The following ERBB4 variants were observed in gnomAD, a reference collection of about 807,000 sequenced individuals.
The protein encoded by ERBB4 is receptor tyrosine-protein kinase erbB-4.
In ERBB4, 42 loss-of-function variants were observed where a neutral mutation model predicts 158.0. The ratio of observed to expected loss-of-function variants is 0.27; its 90% CI spans 0.21 to 0.34. The LOEUF (loss-of-function observed/expected upper bound fraction) is 0.34. ERBB4 is among the 10% of genes least tolerant of loss of function. ERBB4 has a pLI of 1.00. For missense variants in ERBB4, 1,333 were observed against 1,624.1 expected, an observed-to-expected ratio of 0.82 and a Z score of 3.08; for synonymous variants, 583 against 558.7, an observed-to-expected ratio of 1.04 and a Z score of -0.61.
At chr2:212,399,026 C>T (rs539634003) in intron 1 of ERBB4, among the ~76,000 whole-genome samples, 1 of 152,174 alleles carries the variant, frequency 6.6e-6, no homozygotes, top group Admixed American at 6.5e-5. Context: ...TGACTGCAAC[C>T]TCTGCCTCCT....
At chr2:211,402,580 C>T (rs1365923819) in intron 25 of ERBB4, among the ~76,000 whole-genome samples, 1 of 151,910 alleles carries the variant, frequency 6.6e-6, no homozygotes, top group African/African-American at 2.4e-5. Context: ...GACACAAGCT[C>T]AGCCTGTGAA....
chr2:212,365,500 T>G (rs990774651), intron 1 of ERBB4, among the ~76,000 whole-genome samples: 1 of 151,806 alleles, frequency 6.6e-6, no homozygotes, highest in Non-Finnish European at 1.5e-5. Context: ...CTATTGCAAA[T>G]TCAGCATTAC....
intron 1 of ERBB4, among the ~76,000 whole-genome samples, chr2:212,221,634 G>C (rs1362561516): frequency 6.6e-6 from 1 of 151,398 alleles, no homozygotes; most frequent in African/African-American, 2.4e-5. Context: ...AGCAAAGAGG[G>C]AATAACAATC....
At chr2:211,719,589 G>C (rs528188127) in intron 7 of ERBB4, among the ~76,000 whole-genome samples, 7 of 151,910 alleles carry the variant, frequency 4.6e-5, no homozygotes, top group Non-Finnish European at 7.4e-5. Context: ...GGTGCGGTGG[G>C]TCACGTCTGT....
At chr2:212,299,035 T>A (rs921437714) in intron 1 of ERBB4, among the ~76,000 whole-genome samples, 2 of 151,764 alleles carry the variant, frequency 1.3e-5, no homozygotes, top group Non-Finnish European at 3.0e-5. Flanking sequence ...AAAGTGTCAG[T>A]CACTGAGTTA....
chr2:211,759,220 C>T (rs1052439796), intron 4 of ERBB4, among the ~76,000 whole-genome samples: 1 of 152,156 alleles, frequency 6.6e-6, no homozygotes, highest in Admixed American at 6.5e-5. Flanking sequence ...CCAATCATTT[C>T]TCACCACCTG....
At position 211,929,264 on chromosome 2, in the gene ERBB4, T is replaced by TGA. The variant is rs1553515047; in HGVS notation, c.421+18164_421+18165dup. On this transcript the variant is annotated intron_variant, in intron 3 of 27. Transcript: ENST00000342788. ...GTGTGTGTGTGTGTGTGTGTGTGTG[T>TGA]GACAGAGAGAGAGAGAGAGAGACAG... 4.3e-5 allele frequency among the ~76,000 whole-genome samples: 5 copies of TGA among 117,446 alleles called. No individual in the cohort carries two copies. The East Asian group carries it at 1.1e-3, about 25-fold the overall frequency. The allele number at this position is 117,446 out of a possible 152,430, so 77.0% of individuals were successfully genotyped here. A position where few individuals can be genotyped will look rare whatever the true frequency, so the allele number is the denominator to read the frequency against.
intron 1 of ERBB4, among the ~76,000 whole-genome samples, chr2:212,190,926 A>C (rs2082169858): frequency 6.6e-6 from 1 of 152,114 alleles, no homozygotes; most frequent in East Asian, 1.9e-4. Flanking sequence ...AAACACATAT[A>C]ATATCCTAAT....
chr2:212,391,101 C>T (rs1163985835), intron 1 of ERBB4, among the ~76,000 whole-genome samples: 1 of 151,618 alleles, frequency 6.6e-6, no homozygotes, highest in Non-Finnish European at 1.5e-5. Context: ...CTAATATTTC[C>T]ATTACTTTAA....
At chr2:212,270,265 A>G (rs761078584) in intron 1 of ERBB4, among the ~76,000 whole-genome samples, 18 of 151,842 alleles carry the variant, frequency 1.2e-4, no homozygotes, top group Non-Finnish European at 2.5e-4. Context: ...ATGTTAGTAT[A>G]TGCTAATAAA....
chr2:211,446,179 C>A (rs1321870488), intron 20 of ERBB4, among the ~76,000 whole-genome samples: 1 of 152,112 alleles, frequency 6.6e-6, no homozygotes, highest in Non-Finnish European at 1.5e-5. Flanking sequence ...ACTCTGTGCA[C>A]CAGCACAGCA....
At chr2:212,023,113 G>C (rs2125331808) in intron 2 of ERBB4, among the ~76,000 whole-genome samples, 1 of 152,224 alleles carries the variant, frequency 6.6e-6, no homozygotes, top group South Asian at 2.1e-4. Flanking sequence ...ATAGAGAAAA[G>C]TATGAGAATC....
In ERBB4 at chr2:211,749,920, T is replaced by C. The variant is rs112713074; in HGVS notation, c.622+719A>G. Among the ~76,000 whole-genome samples the C allele has an allele frequency of 3.6e-3, 548 of 152,298 alleles. 5 individuals are homozygous for C. Among genetic ancestry groups the C allele is most frequent in the Middle Eastern group, 0.014 (4 of 294 alleles). On this transcript the variant is annotated intron_variant, in intron 5 of 27. Transcript: ENST00000342788. ...GAGTGTTTACCACTTGTATAGGACATTTTATTTTTCTTTTTTAAAGAAATC... is the reference window on the plus strand; with the variant it reads ...GAGTGTTTACCACTTGTATAGGACACTTTATTTTTCTTTTTTAAAGAAATC...
intron 2 of ERBB4, among the ~76,000 whole-genome samples, chr2:212,059,026 G>C (rs1485248241): frequency 6.6e-6 from 1 of 152,162 alleles, no homozygotes; most frequent in African/African-American, 2.4e-5. Context: ...TGACATGATT[G>C]TATATTTAGA....
chr2:211,702,180 A>G lies in ERBB4; in HGVS notation c.1290-14T>C, dbSNP rs900333457. On this transcript the variant is annotated splice_polypyrimidine_tract_variant and intron_variant, in intron 11 of 27. Transcript: ENST00000342788. ...AAGGACAGGCCACTAAGGAGGGGGA[A>G]GTGAGAAAACGGAACCATGAAACGC... 4 of 1,610,400 alleles carry G rather than the reference A, an allele frequency of 2.5e-6. No homozygotes were observed. The South Asian group carries it at 3.3e-5, about 13-fold the overall frequency.
chr2:212,396,730 A>G (rs62186270), intron 1 of ERBB4, among the ~76,000 whole-genome samples: 13,694 of 152,190 alleles, frequency 0.09, 1,005 homozygotes, highest in African/African-American at 0.2. Context: ...TCTAATATGT[A>G]TTATATTTTT....
intron 20 of ERBB4, among the ~76,000 whole-genome samples, chr2:211,464,812 G>A (rs921352438): frequency 6.6e-6 from 1 of 151,618 alleles, no homozygotes; most frequent in Non-Finnish European, 1.5e-5. Flanking sequence ...GCTTCTAATG[G>A]ACCATACCTC....
intron 1 of ERBB4, among the ~76,000 whole-genome samples, chr2:212,223,707 T>C (rs2083380110): frequency 6.6e-6 from 1 of 151,646 alleles, no homozygotes; most frequent in Admixed American, 6.6e-5. Flanking sequence ...CTTTAAAAAA[T>C]TGTTATTTAC....
At chr2:212,371,123 C>T (rs113866258) in intron 1 of ERBB4, among the ~76,000 whole-genome samples, 1 of 152,146 alleles carries the variant, frequency 6.6e-6, no homozygotes, top group Admixed American at 6.6e-5. Context: ...ATTTTTACTG[C>T]CCAATCACGT....
Sources: gnomAD v4.1 joint callset for allele counts (sites outside exome capture counted in the v4.1 genomes callset) on GRCh38, gnomAD v4.1.1 for gene constraint, MANE v1.5 for transcripts, NCBI Gene and HGNC (gene_info 2026-07-23, HGNC 2026-07-21) for gene names.